RNF213: variants seen among roughly 807,000 people sequenced by gnomAD.
RNF213 encodes the protein ring finger protein 213.
Under a neutral mutation model 514.4 loss-of-function variants are expected in RNF213, and 341 were observed. That is an observed-to-expected ratio of 0.66 (90% CI 0.61 to 0.73). The LOEUF (loss-of-function observed/expected upper bound fraction) is 0.73, where lower values mean the gene tolerates loss of function less well. Ranked by LOEUF, RNF213 falls within the 30% of genes least tolerant of loss-of-function variation. The pLI is 0.00. For synonymous variants in RNF213, 2,655 were observed against 2,658.2 expected, an observed-to-expected ratio of 1.00 and a Z score of 0.04; for missense variants, 5,767 against 6,615.6, an observed-to-expected ratio of 0.87 and a Z score of 4.45.
chr17:80,363,079 C>G (rs749942925), intron 39 of RNF213, 23 bp from the exon 40 acceptor site: 4 of 1,600,492 alleles, frequency 2.5e-6, no homozygotes, highest in Non-Finnish European at 1.7e-6. Flanking sequence ...AAAATATATT[C>G]TAAAAGCTTT....
chr17:80,361,959 G>A (rs1416294023), intron 39 of RNF213, 71 bp downstream of exon 39: 9 of 1,542,046 alleles, frequency 5.8e-6, no homozygotes, highest in Non-Finnish European at 8.0e-6. Context: ...CAGACACGGA[G>A]ACGTTTCCTC....
chr17:80,320,440 C>T (rs554580444), intron 17 of RNF213: 1 of 152,276 alleles, frequency 6.6e-6, no homozygotes, highest in South Asian at 2.1e-4. Flanking sequence ...GCAACCGCTG[C>T]CTCCCGGGTT....
At chr17:80,379,184 C>T (rs2079884415) in intron 54 of RNF213, among the ~76,000 whole-genome samples, 1 of 152,092 alleles carries the variant, frequency 6.6e-6, no homozygotes, top group Non-Finnish European at 1.5e-5. Context: ...CAGAGCGAGG[C>T]TCTGTCTCAT....
rs540934888 is a variant in RNF213, at chr17:80,354,547, G to A, written c.10833G>A (p.Gln3611=). 1.2e-6 allele frequency: 2 copies of A among 1,614,224 alleles called. No homozygotes were observed. The highest frequency in any genetic ancestry group is 4.5e-5 in the East Asian group (2 of 44,884). ...GGTTGGCAAGGGAAGCCTGCAACCA[G>A]GACGCTCTCCAGGAGGCGGGCACAT... ...LEWLAREACN[Q]DALQEAGTFR... is the part of the protein sequence containing the mutation. The change falls in exon 36 of 68, where the codon CAG becomes CAA. Residue 3611 remains glutamine, a synonymous_variant. Coordinates refer to ENST00000582970, the MANE Select transcript of RNF213 (RefSeq NM_001256071.3).
Position 80,336,335 on chromosome 17 carries a change from T to C in RNF213, c.4484T>C (p.Leu1495Pro), listed in dbSNP as rs757890987. The C allele has an allele frequency of 1.4e-5, 21 of 1,537,132 alleles. No homozygotes were observed. In the South Asian group the frequency reaches 2.1e-4, roughly 16 times the overall value. The change falls in exon 23 of 68, where the codon CTG becomes CCG. Residue 1495 changes from leucine (L) to proline (P), a missense_variant. This residue lies in a region of RNF213 where 1,377 missense variants were observed against 1,635.2 expected (regional missense o/e 0.84). Coordinates refer to ENST00000582970, the MANE Select transcript of RNF213 (RefSeq NM_001256071.3). ...FSAFMKHLKK[L>P]WKALDKDQYL... ...GCATTCATGAAGCATCTGAAAAAGC[T>C]GTGGAAGGCTCTGGATAAGGACCAG...
intron 41 of RNF213, 90 bp from the exon 42 acceptor site, chr17:80,364,343 G>A (rs755333156): frequency 1.4e-5 from 22 of 1,585,362 alleles, no homozygotes; most frequent in African/African-American, 4.0e-5. Flanking sequence ...CCCGGGTCCC[G>A]CATCTCTTCT....
At chr17:80,318,719 G>T (rs1355066597) in intron 16 of RNF213, among the ~76,000 whole-genome samples, 3 of 152,026 alleles carry the variant, frequency 2.0e-5, no homozygotes, top group Admixed American at 6.5e-5. Context: ...GACTACAGGC[G>T]CCCGCCACCG....
chr17:80,318,773 C>T (rs908042380), intron 16 of RNF213, among the ~76,000 whole-genome samples: 11 of 152,076 alleles, frequency 7.2e-5, no homozygotes, highest in Non-Finnish European at 1.3e-4. Context: ...CGGGGTTTCA[C>T]CGTGTTAGCC....
Position 80,354,066 on chromosome 17 carries a change from C to G in RNF213, c.10626C>G (p.Ser3542Arg), listed in dbSNP as rs756612314. ...TTRLLRSCVQ[S>R]AVGMLRDQNE... ...GGCTGCTGAGAAGCTGTGTGCAGAG[C>G]GCCGTGGGCATGCTCAGAGACCAGA... Residue 3542 changes from serine (S) to arginine (R), a missense_variant, in exon 35 of 68, where the codon AGC becomes AGG. Ser to Arg is a moderately radical substitution (Grantham distance 110, BLOSUM62 -1). Transcript: ENST00000582970. The G allele has an allele frequency of 6.2e-7, 1 of 1,613,982 alleles. No individual in the cohort carries two copies. Among genetic ancestry groups the G allele is most frequent in the Non-Finnish European group, 8.5e-7 (1 of 1,180,024 alleles).
intron 61 of RNF213, 50 bp downstream of exon 61, chr17:80,385,671 T>G (rs1307818955): frequency 1.3e-6 from 2 of 1,504,768 alleles, no homozygotes; most frequent in Non-Finnish European, 1.8e-6. Context: ...GAGCCTCGTC[T>G]GAAAGCTCTT....
Position 80,289,853 on chromosome 17 carries a change from C to A in RNF213, c.1112+16C>A. 1 of 1,601,080 alleles carries A rather than the reference C, an allele frequency of 6.2e-7. No individual in the cohort carries two copies. The highest frequency in any genetic ancestry group is 8.5e-7 in the Non-Finnish European group (1 of 1,174,248). ...TGAAGGCAAGGTAGGGATGCCCCCG[C>A]AGGGGAGCAAAGGAGACCCTGCCTG... On this transcript the variant is annotated intron_variant, in intron 6 of 67. Coordinates refer to ENST00000582970, the MANE Select transcript of RNF213 (RefSeq NM_001256071.3).
chr17:80,347,386 G>C lies in RNF213; in HGVS notation c.9051G>C (p.Leu3017=). The change falls in exon 29 of 68, where the codon CTG becomes CTC. Residue 3017 remains leucine, a synonymous_variant. Transcript: ENST00000582970. The surrounding 1 kb of genome is among the most constrained non-coding windows in gnomAD (Gnocchi z 7.2). ...KCSEEVSPMQ[L]IKQNIFGPSQ... is the part of the protein sequence containing the mutation. ...CAGAGGAAGTCAGCCCCATGCAGCT[G>C]ATCAAACAGAACATCTTTGGGCCTT... 1 of 1,613,960 alleles carries C rather than the reference G, an allele frequency of 6.2e-7. No homozygotes were observed. Among genetic ancestry groups the C allele is most frequent in the East Asian group, 2.2e-5 (1 of 44,882 alleles).
In RNF213 at chr17:80,346,516, G is replaced by A. The variant is rs760848800; in HGVS notation, c.8181G>A (p.Arg2727=). The A allele has an allele frequency of 1.9e-5, 31 of 1,613,602 alleles. No homozygotes were observed. In the Admixed American group the frequency reaches 5.2e-4, roughly 27 times the overall value. Reference sequence around the variant, plus strand: ...GGCTGCTTCTGGATGAAATAACACGGGCACAGGATCTTTTTCTGGACGGCG... The same window carrying A: ...GGCTGCTTCTGGATGAAATAACACGAGCACAGGATCTTTTTCTGGACGGCG... ...DSRLLLDEIT[R]AQDLFLDGVP... The change falls in exon 29 of 68, where the codon CGG becomes CGA. Residue 2727 remains arginine (R), a synonymous_variant. Coordinates refer to ENST00000582970, the MANE Select transcript of RNF213 (RefSeq NM_001256071.3). This position sits in a 1 kb window ranked among gnomAD's most constrained non-coding sequence, Gnocchi z 8.1.
At chr17:80,286,691 G>T (rs2044484492) in intron 3 of RNF213, among the ~76,000 whole-genome samples, 1 of 152,116 alleles carries the variant, frequency 6.6e-6, no homozygotes, top group Admixed American at 6.5e-5. Context: ...GAGGTGGGGG[G>T]CGTGGAGTGG....
rs533254318 is a variant in RNF213, at chr17:80,379,096, G to A, written c.13546-524G>A. On this transcript the variant is annotated intron_variant, in intron 54 of 67. Transcript: ENST00000582970. ...GGTCCCAGCTACTTGGGAGGCTAAG[G>A]TAGGAGGATTGCTTGAGCCTGGGGA... Among the ~76,000 whole-genome samples, 5 of 151,686 alleles carry A rather than the reference G, an allele frequency of 3.3e-5. No homozygotes were observed. The East Asian group carries it at 9.7e-4, about 29-fold the overall frequency.
At chr17:80,375,658 A>T in intron 50 of RNF213, 102 bp from the exon 51 acceptor site, 6 of 802,990 alleles carry the variant, frequency 7.5e-6, no homozygotes. Flanking sequence ...AGCCGAGATC[A>T]TGCCACTGCA....
In RNF213 at chr17:80,293,599, G is replaced by A. The variant is rs565145900; in HGVS notation, c.1472-1121G>A. ...AGCATTTTGGGAGGCCGAGGCGGGC[G>A]GATCACGAGGTCAGGAGATCAAGAC... On this transcript the variant is annotated intron_variant, in intron 8 of 67. Transcript: ENST00000582970. Among the ~76,000 whole-genome samples the A allele has an allele frequency of 6.6e-3, 997 of 151,950 alleles. 4 individuals carry two copies. The highest frequency in any genetic ancestry group is 0.011 in the Non-Finnish European group (729 of 67,938).
rs1014000323 is a variant in RNF213, at chr17:80,262,884, C to T, written c.-108-690C>T. On this transcript the variant is annotated intron_variant, in intron 1 of 67. Transcript: ENST00000582970. ...GCTGCTGAAGGCACCAGTCAGCTGC[C>T]GCTCCAGCCACTGCCCCAGTGGAGT... Among the ~76,000 whole-genome samples, 9 of 152,138 alleles carry T rather than the reference C, an allele frequency of 5.9e-5. 1 individual carries two copies. Among genetic ancestry groups the T allele is most frequent in the Admixed American group, 2.6e-4 (4 of 15,276 alleles).
chr17:80,266,167 C>T (rs1432030221), intron 2 of RNF213, among the ~76,000 whole-genome samples: 2 of 151,356 alleles, frequency 1.3e-5, no homozygotes, highest in Admixed American at 6.6e-5. Flanking sequence ...CCTTACTAGG[C>T]GTGGTGGTTC....
Sources: allele counts gnomAD v4.1 joint callset (sites outside exome capture counted in the v4.1 genomes callset), GRCh38; gene constraint gnomAD v4.1.1; regional missense constraint gnomAD v4.1.1; non-coding constraint Gnocchi (gnomAD v3.1); transcripts MANE v1.5; gene names NCBI Gene and HGNC (gene_info 2026-07-23, HGNC 2026-07-21).